The following AZI2 variants were observed in gnomAD, a reference collection of about 807,000 sequenced individuals.
The protein encoded by AZI2 is 5-azacytidine-induced protein 2.
AZI2 carries 22 observed loss-of-function variants against 45.8 expected under a neutral mutation model. That is an observed-to-expected ratio of 0.48 (90% CI 0.34 to 0.69). The LOEUF (loss-of-function observed/expected upper bound fraction) is 0.69. Among genes scored for constraint, AZI2 ranks in the 30% least tolerant of loss-of-function variants. The pLI, the probability that AZI2 is intolerant of heterozygous loss-of-function variation, is 0.01. For synonymous variants in AZI2, 137 were observed against 156.7 expected (o/e 0.87, Z 0.94); for missense variants, 417 against 441.5 (o/e 0.94, Z 0.50).
intron 1 of AZI2, among the ~76,000 whole-genome samples, chr3:28,341,063 T>G (rs1278944222): frequency 6.6e-6 from 1 of 152,014 alleles, no homozygotes; most frequent in Non-Finnish European, 1.5e-5. Context: ...TCAAAAGTTC[T>G]TTGAGTATAA....
Position 28,336,890 on chromosome 3 carries a change from A to G in AZI2, c.440-5T>C, listed in dbSNP as rs1367744597. ...GTGGATTTAAATTCCTCATCACTAC[A>G]AAAAGGATGGACACTGAAATTGTTA... is the stretch of plus-strand genomic sequence containing the variant. On this transcript the variant is annotated splice_region_variant and splice_polypyrimidine_tract_variant and intron_variant, in intron 4 of 7. Coordinates refer to ENST00000479665, the MANE Select transcript of AZI2 (RefSeq NM_022461.5). 1 of 1,612,004 alleles carries G rather than the reference A, an allele frequency of 6.2e-7. No homozygotes were observed. Among genetic ancestry groups the G allele is most frequent in the Non-Finnish European group, 8.5e-7 (1 of 1,178,932 alleles).
intron 6 of AZI2, chr3:28,332,055 T>C (rs1331157233): frequency 1.4e-6 from 1 of 700,806 alleles, no homozygotes; most frequent in Non-Finnish European, 2.4e-6. Context: ...TTATATATAA[T>C]GAATAATTCT....
At chr3:28,343,654 C>T (rs1479715226) in intron 1 of AZI2, among the ~76,000 whole-genome samples, 2 of 151,968 alleles carry the variant, frequency 1.3e-5, no homozygotes, top group Admixed American at 6.6e-5. Flanking sequence ...TCAAACTCAT[C>T]TCACAGATGA....
At chr3:28,339,258 G>A (rs573768681) in intron 2 of AZI2, among the ~76,000 whole-genome samples, 5 of 152,220 alleles carry the variant, frequency 3.3e-5, no homozygotes, top group South Asian at 4.1e-4. Flanking sequence ...AATTACAGGT[G>A]TGAGCCACCG....
At chr3:28,327,965 A>C (rs1577121672) in intron 6 of AZI2, among the ~76,000 whole-genome samples, 2 of 149,904 alleles carry the variant, frequency 1.3e-5, no homozygotes, top group East Asian at 1.9e-4. Context: ...ATAAACACTT[A>C]AACTTCAAAA....
rs76981646 is a variant in AZI2 at position 28,336,586 on chromosome 3, G to A, written c.588+151C>T. The A allele has an allele frequency of 1.4e-5, 11 of 765,856 alleles. No individual in the cohort carries two copies. The East Asian group carries it at 2.6e-4, about 18-fold the overall frequency. The allele number at this position is 765,856 out of a possible 1,614,324, so 47.4% of individuals were successfully genotyped here. A position where few individuals can be genotyped will look rare whatever the true frequency, so the allele number is the denominator to read the frequency against. On this transcript the variant is annotated intron_variant, in intron 5 of 7. Transcript: ENST00000479665. The stretch of plus-strand genomic sequence containing the variant: ...AAATTTTAGCAGAAATGCTTAAAGA[G>A]GTAGATAAACAAGAATTTTTTAAGG...
Position 28,321,071 on chromosome 3 carries a change from A to G in AZI2, c.*2971T>C, listed in dbSNP as rs942053488. Reference sequence around the variant, plus strand: ...CTTTACTCTTGAGTGAACCACTCAAAAAACTATTTTACTTTTATTTGAAAT... The same window carrying G: ...CTTTACTCTTGAGTGAACCACTCAAGAAACTATTTTACTTTTATTTGAAAT... On this transcript the variant is annotated 3_prime_UTR_variant, in exon 8 of 8. Transcript: ENST00000479665. 4.0e-5 allele frequency: 6 copies of G among 151,544 alleles called. No individual in the cohort carries two copies. Among genetic ancestry groups the G allele is most frequent in the African/African-American group, 1.4e-4 (6 of 41,468 alleles). The allele number at this position is 151,544 out of a possible 1,614,324, so 9.4% of individuals were successfully genotyped here.
At chr3:28,343,844 A>G (rs745918653) in intron 1 of AZI2, among the ~76,000 whole-genome samples, 1 of 152,050 alleles carries the variant, frequency 6.6e-6, no homozygotes, top group African/African-American at 2.4e-5. Flanking sequence ...AGTACTTTAC[A>G]TGGAAGGGGG....
At chr3:28,335,069 C>T (rs1047763351) in intron 5 of AZI2, among the ~76,000 whole-genome samples, 2 of 151,942 alleles carry the variant, frequency 1.3e-5, no homozygotes, top group East Asian at 1.9e-4. Context: ...GTTTAGAAGA[C>T]GTCTAAAGTC....
chr3:28,337,549 A>G (rs1424909683), intron 4 of AZI2, among the ~76,000 whole-genome samples: 1 of 152,152 alleles, frequency 6.6e-6, no homozygotes, highest in Non-Finnish European at 1.5e-5. Context: ...TTGGAAAGAA[A>G]AAGAAATTGT....
Position 28,321,216 on chromosome 3 carries a change from A to C in AZI2, c.*2826T>G, listed in dbSNP as rs993629452. On this transcript the variant is annotated 3_prime_UTR_variant, in exon 8 of 8. Transcript: ENST00000479665. Reference sequence around the variant, plus strand: ...ACAGCATAGGGGCAAACATGCCCATATTTCCACATTGACCTTTGGTATTGG... The same window carrying C: ...ACAGCATAGGGGCAAACATGCCCATCTTTCCACATTGACCTTTGGTATTGG... The C allele has an allele frequency of 1.3e-5, 2 of 151,462 alleles. No homozygotes were observed. The highest frequency in any genetic ancestry group is 3.0e-5 in the Non-Finnish European group (2 of 67,582). 9.4% of individuals were successfully genotyped at this position (151,462 alleles called of 1,614,324 possible). A position where few individuals can be genotyped will look rare whatever the true frequency, so the allele number is the denominator to read the frequency against.
At chr3:28,328,936 A>G (rs1703481926) in intron 6 of AZI2, among the ~76,000 whole-genome samples, 1 of 151,218 alleles carries the variant, frequency 6.6e-6, no homozygotes, top group African/African-American at 2.4e-5. Context: ...CAGGCTTCCA[A>G]TTAAACCTCT....
At chr3:28,326,429 C>T (rs1703390935) in intron 7 of AZI2, 1 of 157,044 alleles carries the variant, frequency 6.4e-6, no homozygotes, top group African/African-American at 2.4e-5. Context: ...TCAAAACAAC[C>T]TAAAAAGCTA....
chr3:28,323,805 T>G lies in AZI2; in HGVS notation c.*237A>C, dbSNP rs1703272095. On this transcript the variant is annotated 3_prime_UTR_variant, in exon 8 of 8. Transcript: ENST00000479665. ...TTTTAAACACCTTAAGTTTACTTAT[T>G]AATTAGTATAGTAGCATATTTCAGA... The G allele has an allele frequency of 3.0e-6, 1 of 333,942 alleles. No homozygotes were observed. The allele number at this position is 333,942 out of a possible 1,614,324, so 20.7% of individuals were successfully genotyped here. A position where few individuals can be genotyped will look rare whatever the true frequency, so the allele number is the denominator to read the frequency against.
chr3:28,338,559 C>A lies in AZI2; in HGVS notation c.273G>T (p.Lys91Asn), dbSNP rs1252288277. ...TSSVGREQVNKAYHAYREVCI... is the reference protein window; with the variant it reads ...TSSVGREQVNNAYHAYREVCI... Reference sequence around the variant, plus strand: ...AAACCTCTCGATATGCATGATAGGCCTTATTTACTTGTTCTCGTCCCACGG... The same window carrying A: ...AAACCTCTCGATATGCATGATAGGCATTATTTACTTGTTCTCGTCCCACGG... The change falls in exon 3 of 8, where the codon AAG becomes AAT. Residue 91 changes from lysine to asparagine, a missense_variant. By Grantham distance (94) the Lys-to-Asn change is moderately conservative. Coordinates refer to ENST00000479665, the MANE Select transcript of AZI2 (RefSeq NM_022461.5). 1.2e-6 allele frequency: 2 copies of A among 1,609,908 alleles called. No individual in the cohort carries two copies. The highest frequency in any genetic ancestry group is 1.7e-4 in the Middle Eastern group (1 of 6,044).
chr3:28,332,190 CT>C (rs1417021779), intron 6 of AZI2, among the ~76,000 whole-genome samples, 178 bp downstream of exon 6: 1 of 151,492 alleles, frequency 6.6e-6, no homozygotes, highest in Non-Finnish European at 1.5e-5. Flanking sequence ...AAATTCAAAG[CT>C]GTTATTAACA....
At chr3:28,336,292 GT>G (rs1272026031) in intron 5 of AZI2, among the ~76,000 whole-genome samples, 1 of 151,910 alleles carries the variant, frequency 6.6e-6, no homozygotes, top group Non-Finnish European at 1.5e-5. Flanking sequence ...GCTCTGTCAT[GT>G]TTTCTTTGTT....
Position 28,324,237 on chromosome 3 carries a change from A to C in AZI2, c.984T>G (p.Asn328Lys). 1.2e-6 allele frequency: 2 copies of C among 1,610,436 alleles called. No individual in the cohort carries two copies. Among genetic ancestry groups the C allele is most frequent in the Non-Finnish European group, 1.7e-6 (2 of 1,177,542 alleles). ...SWTDNERSIP[N>K]DGTCFQEHSS... ...TGTGTTCCTGAAAGCATGTACCATC[A>C]TTAGGAATGGATCTCTCATTGTCTG... The change falls in exon 8 of 8, where the codon AAT (asparagine) becomes AAG (lysine). Residue 328 changes from asparagine to lysine, a missense_variant. Asn to Lys is a moderately conservative substitution (Grantham distance 94, BLOSUM62 0). Transcript: ENST00000479665.
In AZI2 at chr3:28,321,660, A is replaced by C. The variant is rs1703192324; in HGVS notation, c.*2382T>G. ...CACCTTCTCCAAGTAGCCTTTCTGA[A>C]TTAAGATCAGTACTTTGTTGTCACA... On this transcript the variant is annotated 3_prime_UTR_variant, in exon 8 of 8. Transcript: ENST00000479665. 6.6e-6 allele frequency: 1 copy of C among 151,294 alleles called. No individual in the cohort carries two copies. Among genetic ancestry groups the C allele is most frequent in the South Asian group, 2.1e-4 (1 of 4,834 alleles). 9.4% of individuals were successfully genotyped at this position (151,294 alleles called of 1,614,324 possible).
Sources: gnomAD v4.1 joint callset for allele counts (sites outside exome capture counted in the v4.1 genomes callset) on GRCh38, gnomAD v4.1.1 for gene constraint, MANE v1.5 for transcripts, NCBI Gene and HGNC (gene_info 2026-07-23, HGNC 2026-07-21) for gene names.